Variants in PAQR3 observed in about 807,000 individuals in gnomAD.
PAQR3 encodes the protein Raf kinase trapping to Golgi.
In PAQR3, 39 loss-of-function variants were observed where a neutral mutation model predicts 41.7. That is an observed-to-expected ratio of 0.93 (90% CI 0.72 to 1.22). PAQR3 has a LOEUF of 1.22. PAQR3 is among the 50% of genes most tolerant of loss of function. The pLI is 0.00. For synonymous variants in PAQR3, 140 were observed against 140.6 expected (o/e 1.00, Z 0.03); for missense variants, 366 against 385.6 (o/e 0.95, Z 0.42).
chr4:78,888,040 A>G (rs1277247902), intron 12 of PAQR3: 1 of 152,256 alleles, frequency 6.6e-6, no homozygotes, highest in African/African-American at 2.4e-5. Context: ...CTACAGAATT[A>G]ACAACAAAAG....
At position 78,916,453 on chromosome 4, in the gene PAQR3, A is replaced by C. The variant is rs1015927613; in HGVS notation, c.*4086T>G. 4.6e-5 allele frequency: 7 copies of C among 151,890 alleles called. No homozygotes were observed. Among genetic ancestry groups the C allele is most frequent in the Non-Finnish European group, 8.8e-5 (6 of 67,864 alleles). 9.4% of individuals were successfully genotyped at this position (151,890 alleles called of 1,614,324 possible). On this transcript the variant is annotated 3_prime_UTR_variant, in exon 6 of 6. Coordinates refer to ENST00000512733, the MANE Select transcript of PAQR3 (RefSeq NM_001040202.2). The stretch of plus-strand genomic sequence containing the variant: ...CAAATTCAGTTATTTCATTCACACC[A>C]CAAACATTAAGCACCTATTATGTAG...
At chr4:78,910,430 CTACCTGAGG>C (rs1734525476), downstream of PAQR3, among the ~76,000 whole-genome samples, 1 of 152,186 alleles carries the variant, frequency 6.6e-6, no homozygotes, top group East Asian at 1.9e-4. Flanking sequence ...ACTTAACTAT[CTACCTGAGG>C]TCAAATGCAT....
chr4:78,917,111 T>G lies in PAQR3; in HGVS notation c.*3428A>C, dbSNP rs1735155424. ...TATTACTGTTCAAATTCAGTTATAG[T>G]TACTTGAGATGAATATATGCTGCAA... On this transcript the variant is annotated 3_prime_UTR_variant, in exon 6 of 6. Coordinates refer to ENST00000512733, the MANE Select transcript of PAQR3 (RefSeq NM_001040202.2). The G allele has an allele frequency of 2.0e-5, 3 of 152,006 alleles. No individual in the cohort carries two copies. Among genetic ancestry groups the G allele is most frequent in the South Asian group, 2.1e-4 (1 of 4,828 alleles). 9.4% of individuals were successfully genotyped at this position (152,006 alleles called of 1,614,324 possible). A position where few individuals can be genotyped will look rare whatever the true frequency, so the allele number is the denominator to read the frequency against.
At chr4:78,936,923 G>A (rs1737486455) in intron 1 of PAQR3, among the ~76,000 whole-genome samples, 1 of 151,390 alleles carries the variant, frequency 6.6e-6, no homozygotes, top group Non-Finnish European at 1.5e-5. Flanking sequence ...CAAAAGGAGA[G>A]AGGGCAAAGG....
chr4:78,930,862 T>C (rs1736787357), intron 2 of PAQR3, among the ~76,000 whole-genome samples: 1 of 141,352 alleles, frequency 7.1e-6, no homozygotes, highest in South Asian at 2.3e-4. Flanking sequence ...GATATATTAG[T>C]CTATACACAT....
At chr4:78,911,555 G>C (rs368418569), downstream of PAQR3, 15 of 1,613,994 alleles carry the variant, frequency 9.3e-6, no homozygotes, top group African/African-American at 2.0e-4. Context: ...ACGCCAACTA[G>C]CACAAAGAAG....
chr4:78,916,074 C>A lies in PAQR3; in HGVS notation c.*4465G>T, dbSNP rs1222851494. 1.3e-5 allele frequency: 2 copies of A among 151,844 alleles called. No individual in the cohort carries two copies. The highest frequency in any genetic ancestry group is 2.9e-5 in the Non-Finnish European group (2 of 67,856). The allele number at this position is 151,844 out of a possible 1,614,324, so 9.4% of individuals were successfully genotyped here. A position where few individuals can be genotyped will look rare whatever the true frequency, so the allele number is the denominator to read the frequency against. The stretch of plus-strand genomic sequence containing the variant: ...ATCTTTATTGTATTTCTACTTGTTA[C>A]AAAACATACTTGCTAAAGTAACTTC... On this transcript the variant is annotated 3_prime_UTR_variant, in exon 6 of 6. Coordinates refer to ENST00000512733, the MANE Select transcript of PAQR3 (RefSeq NM_001040202.2).
chr4:78,926,077 A>G (rs1398682894), intron 4 of PAQR3, among the ~76,000 whole-genome samples: 2 of 152,030 alleles, frequency 1.3e-5, no homozygotes, highest in Non-Finnish European at 2.9e-5. Context: ...TTTACATCCA[A>G]TGGGTACCCC....
At chr4:78,930,370 A>C (rs1341321150) in intron 2 of PAQR3, 45 bp from the exon 3 acceptor site, 4 of 1,560,786 alleles carry the variant, frequency 2.6e-6, no homozygotes, top group East Asian at 4.5e-5. Flanking sequence ...AAAGAAACTA[A>C]AGCAACTTAT....
chr4:78,909,090 G>A (rs1433025972), downstream of PAQR3, among the ~76,000 whole-genome samples: 5 of 116,592 alleles, frequency 4.3e-5, no homozygotes, highest in East Asian at 7.3e-4. Flanking sequence ...GAGACAGTTC[G>A]CTCTTTGGCC....
chr4:78,909,315 G>T (rs1342911262), downstream of PAQR3, among the ~76,000 whole-genome samples: 1 of 151,682 alleles, frequency 6.6e-6, no homozygotes, highest in Admixed American at 6.6e-5. Context: ...GGATTACAGG[G>T]GTGAGCCACC....
chr4:78,906,364 G>T (rs917195699), intron 10 of PAQR3, among the ~76,000 whole-genome samples: 1 of 151,706 alleles, frequency 6.6e-6, no homozygotes, highest in Non-Finnish European at 1.5e-5. Context: ...TTATGTAGGG[G>T]GGCAAAATAA....
At chr4:78,904,337 C>T (rs891661511) in intron 11 of PAQR3, among the ~76,000 whole-genome samples, 2 of 151,816 alleles carry the variant, frequency 1.3e-5, no homozygotes. Context: ...ATATGAAAAA[C>T]CCTTGGCACT....
chr4:78,932,901 A>G (rs1161790140), intron 2 of PAQR3, among the ~76,000 whole-genome samples: 1 of 152,180 alleles, frequency 6.6e-6, no homozygotes, highest in Non-Finnish European at 1.5e-5. Context: ...GTTATAATGG[A>G]AAGTTTCCTT....
At chr4:78,911,210 C>T (rs1734576015), downstream of PAQR3, 3 of 1,613,686 alleles carry the variant, frequency 1.9e-6, no homozygotes, top group African/African-American at 1.3e-5. Context: ...TTTCCTGCTG[C>T]AGGACTGGAG....
In PAQR3 at chr4:78,930,345, A is replaced by G. The variant is rs747761411; in HGVS notation, c.349-20T>C. 4 of 1,588,162 alleles carry G rather than the reference A, an allele frequency of 2.5e-6. No homozygotes were observed. In the Admixed American group the frequency reaches 5.7e-5, roughly 23 times the overall value. On this transcript the variant is annotated intron_variant, in intron 2 of 5. Coordinates refer to ENST00000512733, the MANE Select transcript of PAQR3 (RefSeq NM_001040202.2). Reference sequence around the variant, plus strand: ...ACAGACCTGTGAAAAATAAAAACAAATTAACAAAGTGACTAAAGAAACTAA... The same window carrying G: ...ACAGACCTGTGAAAAATAAAAACAAGTTAACAAAGTGACTAAAGAAACTAA...
chr4:78,922,295 G>A, intron 5 of PAQR3: 1 of 1,273,644 alleles, frequency 7.9e-7, no homozygotes. Flanking sequence ...GAAAAACCAA[G>A]TACACAAAGG....
chr4:78,928,850 C>T (rs1736518060), intron 3 of PAQR3, among the ~76,000 whole-genome samples: 1 of 152,136 alleles, frequency 6.6e-6, no homozygotes, highest in Non-Finnish European at 1.5e-5. Flanking sequence ...CACTGGGAGC[C>T]CTGGGCTTGT....
In PAQR3 at chr4:78,918,980, A is replaced by G. The variant is rs1735378041; in HGVS notation, c.*1559T>C. ...GCCATTTTCAAAGCAGCCTTCCATC[A>G]TAACGATGGGTAAGACACGGTATTC... On this transcript the variant is annotated 3_prime_UTR_variant, in exon 6 of 6. Coordinates refer to ENST00000512733, the MANE Select transcript of PAQR3 (RefSeq NM_001040202.2). 1 of 984,790 alleles carries G rather than the reference A, an allele frequency of 1.0e-6. No individual in the cohort carries two copies. The highest frequency in any genetic ancestry group is 4.7e-5 in the South Asian group (1 of 21,288). The allele number at this position is 984,790 out of a possible 1,614,324, so 61.0% of individuals were successfully genotyped here.
Sources: gnomAD v4.1 joint callset for allele counts (sites outside exome capture counted in the v4.1 genomes callset) on GRCh38, gnomAD v4.1.1 for gene constraint, MANE v1.5 for transcripts, NCBI Gene and HGNC (gene_info 2026-07-23, HGNC 2026-07-21) for gene names.